Variants in ENPP2 observed in about 807,000 individuals in gnomAD.
ENPP2 encodes ectonucleotide pyrophosphatase/phosphodiesterase 2.
ENPP2 carries 51 observed loss-of-function variants against 120.2 expected under a neutral mutation model. That is an observed-to-expected ratio of 0.42 (90% CI 0.34 to 0.54). The LOEUF (loss-of-function observed/expected upper bound fraction) is 0.54, where lower values mean the gene tolerates loss of function less well. Ranked by LOEUF, ENPP2 falls within the 20% of genes least tolerant of loss-of-function variation. The pLI is 0.04. For missense variants in ENPP2, 920 were observed against 1,066.5 expected, an observed-to-expected ratio of 0.86 and a Z score of 1.91; for synonymous variants, 365 against 366.4, an observed-to-expected ratio of 1.00 and a Z score of 0.04.
At position 119,562,785 on chromosome 8, in the gene ENPP2, A is replaced by G; in HGVS notation, c.2421+72T>C. 17 of 1,388,194 alleles carry G rather than the reference A, an allele frequency of 1.2e-5. No homozygotes were observed. The South Asian group carries it at 2.0e-4, about 16-fold the overall frequency. 86.0% of individuals were successfully genotyped at this position (1,388,194 alleles called of 1,614,324 possible). A position where few individuals can be genotyped will look rare whatever the true frequency, so the allele number is the denominator to read the frequency against. On this transcript the variant is annotated intron_variant, in intron 24 of 24. Transcript: ENST00000075322. ...ATAATAAGTATGTTCTAGTTCAATG[A>G]TGGAAATATAAAGTAAGAAACGAAG...
intron 19 of ENPP2, among the ~76,000 whole-genome samples, chr8:119,575,542 C>CT (rs1812275190): frequency 6.6e-6 from 1 of 152,206 alleles, no homozygotes; most frequent in Admixed American, 6.5e-5. Flanking sequence ...GACATATTCC[C>CT]TTTGTTCCCA....
At chr8:119,653,183 G>A (rs1312979025) in intron 1 of ENPP2, among the ~76,000 whole-genome samples, 1 of 152,158 alleles carries the variant, frequency 6.6e-6, no homozygotes, top group African/African-American at 2.4e-5. Context: ...ATTAAGAGAG[G>A]CATGACCAGG....
chr8:119,585,531 G>T (rs532582052), intron 15 of ENPP2, among the ~76,000 whole-genome samples: 1 of 152,292 alleles, frequency 6.6e-6, no homozygotes, highest in Non-Finnish European at 1.5e-5. Flanking sequence ...TAAGTAGAAA[G>T]TTGGAGCAAG....
At chr8:119,666,934 G>A (rs1489049807) in intron 1 of ENPP2, among the ~76,000 whole-genome samples, 1 of 152,162 alleles carries the variant, frequency 6.6e-6, no homozygotes, top group Non-Finnish European at 1.5e-5. Flanking sequence ...TAAAATGCCT[G>A]GTCTACTCTG....
intron 22 of ENPP2, among the ~76,000 whole-genome samples, chr8:119,567,447 C>T (rs997608354): frequency 3.9e-5 from 6 of 152,202 alleles, no homozygotes; most frequent in Non-Finnish European, 8.8e-5. Flanking sequence ...TTTCTATGAT[C>T]ACACAGCCTG....
intron 1 of ENPP2, among the ~76,000 whole-genome samples, chr8:119,647,069 C>G (rs1263296471): frequency 6.6e-6 from 1 of 150,862 alleles, no homozygotes; most frequent in Non-Finnish European, 1.5e-5. Flanking sequence ...ACAATCTTGG[C>G]TCACTGCAAC....
chr8:119,599,322 A>G (rs983328160), intron 11 of ENPP2, among the ~76,000 whole-genome samples: 1 of 152,218 alleles, frequency 6.6e-6, no homozygotes, highest in Non-Finnish European at 1.5e-5. Flanking sequence ...CAAAGCATTC[A>G]GAAACACTTA....
At chr8:119,632,994 G>A (rs1422002990) in intron 2 of ENPP2, among the ~76,000 whole-genome samples, 1 of 152,214 alleles carries the variant, frequency 6.6e-6, no homozygotes, top group African/African-American at 2.4e-5. Context: ...GGTGGAGGTT[G>A]CAGTGAGCCG....
At chr8:119,625,728 T>A (rs1816225474) in intron 3 of ENPP2, among the ~76,000 whole-genome samples, 1 of 152,204 alleles carries the variant, frequency 6.6e-6, no homozygotes, top group Non-Finnish European at 1.5e-5. Flanking sequence ...ACAAGATATC[T>A]CAAAAATCCT....
intron 2 of ENPP2, among the ~76,000 whole-genome samples, chr8:119,629,438 A>G (rs1816505610): frequency 1.3e-5 from 2 of 152,240 alleles, no homozygotes; most frequent in East Asian, 1.9e-4. Flanking sequence ...CAGATGTTAA[A>G]TGTCACTTCT....
At chr8:119,594,011 T>C in intron 11 of ENPP2, 151 bp from the exon 12 acceptor site, 1 of 651,614 alleles carries the variant, frequency 1.5e-6, no homozygotes, top group Admixed American at 2.5e-5. Flanking sequence ...CCATTCTTAA[T>C]GAAATCTGGT....
chr8:119,651,580 G>C (rs1300412752), intron 1 of ENPP2, among the ~76,000 whole-genome samples: 1 of 152,126 alleles, frequency 6.6e-6, no homozygotes, highest in Non-Finnish European at 1.5e-5. Flanking sequence ...ACTGTGTGCT[G>C]AAAGAAACCT....
At chr8:119,616,153 C>T (rs928506018) in intron 8 of ENPP2, 112 bp downstream of exon 8, 1 of 927,100 alleles carries the variant, frequency 1.1e-6, no homozygotes, top group Admixed American at 2.2e-5. Context: ...AGAAACATTG[C>T]CAAGTATGAG....
intron 1 of ENPP2, among the ~76,000 whole-genome samples, chr8:119,666,707 G>C (rs141058928): frequency 6.6e-6 from 1 of 151,998 alleles, no homozygotes; most frequent in East Asian, 1.9e-4. Context: ...TTGAACCCAG[G>C]AGGCGGAGGT....
chr8:119,605,465 T>TGTGTGTGTGTGTG (rs1434195692), intron 9 of ENPP2, among the ~76,000 whole-genome samples: 1 of 146,276 alleles, frequency 6.8e-6, no homozygotes, highest in African/African-American at 2.6e-5. Context: ...TGTGTGTGTG[T>TGTGTGTGTGTGTG]ATTTTTTTTT....
At chr8:119,602,966 G>A (rs1814420641) in intron 9 of ENPP2, among the ~76,000 whole-genome samples, 1 of 151,978 alleles carries the variant, frequency 6.6e-6, no homozygotes, top group Admixed American at 6.6e-5. Context: ...CAGCTCACAG[G>A]GATTTGTCAT....
At chr8:119,648,039 C>A (rs762051067) in intron 1 of ENPP2, among the ~76,000 whole-genome samples, 1 of 152,186 alleles carries the variant, frequency 6.6e-6, no homozygotes, top group African/African-American at 2.4e-5. Context: ...TGGAGTCCCA[C>A]TGACTTGAGT....
intron 1 of ENPP2, among the ~76,000 whole-genome samples, chr8:119,661,986 G>A (rs1041983184): frequency 6.6e-6 from 1 of 152,088 alleles, no homozygotes; most frequent in Non-Finnish European, 1.5e-5. Flanking sequence ...TATACAAGCA[G>A]AGAATAGGAT....
At chr8:119,645,546 C>CG (rs1563769654) in intron 1 of ENPP2, among the ~76,000 whole-genome samples, 1 of 152,130 alleles carries the variant, frequency 6.6e-6, no homozygotes, top group Non-Finnish European at 1.5e-5. Flanking sequence ...CTCTCATAGC[C>CG]GGGCACGGTG....
Sources: gnomAD v4.1 joint callset for allele counts (sites outside exome capture counted in the v4.1 genomes callset) on GRCh38, gnomAD v4.1.1 for gene constraint, MANE v1.5 for transcripts, NCBI Gene and HGNC (gene_info 2026-07-23, HGNC 2026-07-21) for gene names.